The following EFCAB11 variants were observed in gnomAD, a reference collection of about 807,000 sequenced individuals.
EFCAB11 encodes the protein EF-hand calcium binding domain 11.
In EFCAB11, 14 loss-of-function variants were observed where a neutral mutation model predicts 23.0. That is an observed-to-expected ratio of 0.61 (90% confidence interval 0.40 to 0.95). The LOEUF (loss-of-function observed/expected upper bound fraction) is 0.95. Among genes scored for constraint, EFCAB11 ranks in the 40% least tolerant of loss-of-function variants. The pLI, the probability that EFCAB11 is intolerant of heterozygous loss-of-function variation, is 0.00. For missense variants in EFCAB11, 198 were observed against 195.8 expected, an observed-to-expected ratio of 1.01 and a Z score of -0.07; for synonymous variants, 65 against 66.6, an observed-to-expected ratio of 0.98 and a Z score of 0.11.
chr14:89,821,399 GTCTT>G (rs1886513366), intron 5 of EFCAB11, among the ~76,000 whole-genome samples: 1 of 152,070 alleles, frequency 6.6e-6, no homozygotes, highest in Non-Finnish European at 1.5e-5. Flanking sequence ...CTTAAAACCA[GTCTT>G]TCTCCCCTTA....
intron 5 of EFCAB11, among the ~76,000 whole-genome samples, chr14:89,879,869 TC>T (rs1888549373): frequency 6.6e-6 from 1 of 152,172 alleles, no homozygotes; most frequent in South Asian, 2.1e-4. Flanking sequence ...TGATGCTTCT[TC>T]CCCTATTACA....
At chr14:89,864,650 G>A (rs1338502671) in intron 5 of EFCAB11, among the ~76,000 whole-genome samples, 1 of 152,112 alleles carries the variant, frequency 6.6e-6, no homozygotes, top group Non-Finnish European at 1.5e-5. Flanking sequence ...TGCTGCCCAG[G>A]CTGGTCTCGA....
chr14:89,937,766 C>T (rs913754438), intron 3 of EFCAB11, among the ~76,000 whole-genome samples: 2 of 152,094 alleles, frequency 1.3e-5, no homozygotes, highest in African/African-American at 4.8e-5. Context: ...CTTTGTGATC[C>T]GTCTGCCTCG....
chr14:89,830,643 A>T (rs1886851602), intron 5 of EFCAB11: 1 of 152,220 alleles, frequency 6.6e-6, no homozygotes, highest in Non-Finnish European at 1.5e-5. Context: ...TAGTTAGCTT[A>T]TAAAGTACCT....
At chr14:89,847,912 A>C (rs77507069) in intron 5 of EFCAB11, among the ~76,000 whole-genome samples, 4,096 of 152,306 alleles carry the variant, frequency 0.027, 94 homozygotes, top group South Asian at 0.1. Flanking sequence ...GAGCAATCAT[A>C]TCACTAATAC....
intron 5 of EFCAB11, among the ~76,000 whole-genome samples, chr14:89,918,158 C>T (rs2139780496): frequency 6.6e-6 from 1 of 151,604 alleles, no homozygotes; most frequent in East Asian, 1.9e-4. Flanking sequence ...GGAGAAATGT[C>T]TTAGATCAAA....
intron 3 of EFCAB11, among the ~76,000 whole-genome samples, chr14:89,946,496 G>A (rs1275242510): frequency 6.6e-6 from 1 of 152,000 alleles, no homozygotes; most frequent in Admixed American, 6.6e-5. Context: ...TTAATGATTG[G>A]ATTTAAATCT....
chr14:89,951,281 G>T (rs896387134), intron 2 of EFCAB11, among the ~76,000 whole-genome samples: 1 of 151,876 alleles, frequency 6.6e-6, no homozygotes, highest in African/African-American at 2.4e-5. Context: ...AGTCCCAGTG[G>T]TCATGTCACT....
At chr14:89,936,455 T>C (rs1461615286) in intron 3 of EFCAB11, among the ~76,000 whole-genome samples, 2 of 152,214 alleles carry the variant, frequency 1.3e-5, no homozygotes, top group Non-Finnish European at 2.9e-5. Flanking sequence ...CTATTACCAC[T>C]TAAAAGGAAA....
chr14:89,822,311 A>C (rs576716970), intron 5 of EFCAB11, among the ~76,000 whole-genome samples: 4 of 152,268 alleles, frequency 2.6e-5, no homozygotes, highest in Non-Finnish European at 5.9e-5. Flanking sequence ...ATTAAAACTC[A>C]GAGTAACTTC....
At chr14:89,799,951 C>G (rs551697987) in intron 5 of EFCAB11, among the ~76,000 whole-genome samples, 1 of 152,142 alleles carries the variant, frequency 6.6e-6, no homozygotes, top group African/African-American at 2.4e-5. Context: ...TTTGGGAGGC[C>G]CAGGCGGGTG....
At chr14:89,953,586 T>C (rs1891277032) in intron 2 of EFCAB11, among the ~76,000 whole-genome samples, 1 of 152,218 alleles carries the variant, frequency 6.6e-6, no homozygotes, top group African/African-American at 2.4e-5. Context: ...AGAGACTATG[T>C]CATGTCCTAT....
At chr14:89,911,091 A>G (rs1889660874) in intron 5 of EFCAB11, among the ~76,000 whole-genome samples, 1 of 152,224 alleles carries the variant, frequency 6.6e-6, no homozygotes, top group African/African-American at 2.4e-5. Context: ...GCTTAAAGCA[A>G]ACAACTTTTA....
At chr14:89,859,257 T>C (rs1887848258) in intron 5 of EFCAB11, among the ~76,000 whole-genome samples, 3 of 152,222 alleles carry the variant, frequency 2.0e-5, no homozygotes, top group Admixed American at 6.5e-5. Flanking sequence ...TCCAAGGTTT[T>C]AGATCTGCAA....
chr14:89,943,247 GTT>G (rs35175946), intron 3 of EFCAB11, among the ~76,000 whole-genome samples: 20 of 139,984 alleles, frequency 1.4e-4, no homozygotes, highest in Admixed American at 2.2e-4. Flanking sequence ...TTTCAGACCT[GTT>G]TTTTTTTTTT....
chr14:89,801,003 C>T (rs1885758791), intron 5 of EFCAB11, among the ~76,000 whole-genome samples: 1 of 149,274 alleles, frequency 6.7e-6, no homozygotes, highest in African/African-American at 2.5e-5. Flanking sequence ...AGTTCACACT[C>T]CAGCCTGGGT....
chr14:89,942,754 T>C (rs1890835458), intron 3 of EFCAB11, among the ~76,000 whole-genome samples: 1 of 152,204 alleles, frequency 6.6e-6, no homozygotes, highest in Non-Finnish European at 1.5e-5. Flanking sequence ...CATTAGCACC[T>C]TTCTGCTACT....
At chr14:89,892,498 G>A (rs1371599625) in intron 5 of EFCAB11, 13 of 1,384,892 alleles carry the variant, frequency 9.4e-6, no homozygotes, top group Non-Finnish European at 1.3e-5. Context: ...CTGGTGGGAT[G>A]GGGAATGTTA....
chr14:89,798,674 T>C (rs1223289316), intron 5 of EFCAB11, among the ~76,000 whole-genome samples: 1 of 152,230 alleles, frequency 6.6e-6, no homozygotes, highest in African/African-American at 2.4e-5. Context: ...CTGCTTCTGA[T>C]AATATTTTGT....
Sources: allele counts gnomAD v4.1 joint callset (sites outside exome capture counted in the v4.1 genomes callset), GRCh38; gene constraint gnomAD v4.1.1; transcripts MANE v1.5; gene names NCBI Gene and HGNC (gene_info 2026-07-23, HGNC 2026-07-21).